The following COL27A1 variants were observed in gnomAD, a reference collection of about 807,000 sequenced individuals.
COL27A1 encodes the protein collagen alpha-1(XXVII) chain.
A neutral mutation model predicts 251.3 loss-of-function variants in COL27A1; 106 were observed. That is an observed-to-expected ratio of 0.42 (90% CI 0.36 to 0.50). The LOEUF (loss-of-function observed/expected upper bound fraction) is 0.50. COL27A1 is among the 20% of genes least tolerant of loss of function. COL27A1 has a pLI of 0.00. For missense variants in COL27A1, 2,325 were observed against 2,522.8 expected (o/e 0.92, Z 1.68); for synonymous variants, 1,000 against 986.3 (o/e 1.01, Z -0.26).
At chr9:114,227,571 C>T (rs1235389273) in intron 14 of COL27A1, among the ~76,000 whole-genome samples, 5 of 152,096 alleles carry the variant, frequency 3.3e-5, no homozygotes, top group African/African-American at 1.2e-4. Context: ...CCACCAGCAT[C>T]GTCCCTGGCA....
chr9:114,263,436 A>T (rs1834497277), intron 28 of COL27A1, among the ~76,000 whole-genome samples: 1 of 151,402 alleles, frequency 6.6e-6, no homozygotes, highest in African/African-American at 2.4e-5. Context: ...CCCAACACAG[A>T]CTGCTTGAGA....
chr9:114,254,127 G>GT (rs1473934997), intron 27 of COL27A1, among the ~76,000 whole-genome samples: 2 of 152,106 alleles, frequency 1.3e-5, no homozygotes, highest in Non-Finnish European at 2.9e-5. Context: ...GTATGGGGGG[G>GT]CAGGGTAGAT....
intron 7 of COL27A1, among the ~76,000 whole-genome samples, chr9:114,196,302 C>G (rs894678870): frequency 3.3e-5 from 5 of 152,220 alleles, no homozygotes; most frequent in Non-Finnish European, 7.3e-5. Flanking sequence ...CCCAGGGAGG[C>G]CACCTTCAAG....
chr9:114,159,040 G>C (rs1376620824), intron 1 of COL27A1, among the ~76,000 whole-genome samples: 3 of 152,194 alleles, frequency 2.0e-5, no homozygotes, highest in Non-Finnish European at 4.4e-5. Flanking sequence ...ACTCTGACAT[G>C]CTCTATACTT....
At chr9:114,216,221 G>A (rs977151293) in intron 12 of COL27A1, among the ~76,000 whole-genome samples, 10 of 152,222 alleles carry the variant, frequency 6.6e-5, no homozygotes, top group East Asian at 1.9e-4. Context: ...TTCTCCAGAG[G>A]GGCCCGACCT....
intron 41 of COL27A1, among the ~76,000 whole-genome samples, chr9:114,285,310 G>C (rs1160026678): frequency 6.6e-6 from 1 of 152,120 alleles, no homozygotes; most frequent in African/African-American, 2.4e-5. Context: ...GGAATTGCTG[G>C]AAGGATCCTC....
rs1467610372 is a variant in COL27A1 at position 114,206,279 on chromosome 9, G to A, written c.2251G>A (p.Gly751Ser). ...QGLPGPVGDP[G>S]PKGSRGYIGL... ...GTTACCTGGACCGGTAGGAGATCCC[G>A]GCCCCAAAGGCAGCAGGGTAAGTGG... The change falls in exon 10 of 61, where the codon GGC becomes AGC. Residue 751 changes from glycine (G) to serine (S), a missense_variant. Gly to Ser is a moderately conservative substitution (Grantham distance 56). Coordinates refer to ENST00000356083, the MANE Select transcript of COL27A1 (RefSeq NM_032888.4). The A allele has an allele frequency of 6.8e-6, 11 of 1,614,014 alleles. No homozygotes were observed. Among genetic ancestry groups the A allele is most frequent in the Middle Eastern group, 1.6e-4 (1 of 6,082 alleles).
Position 114,288,500 on chromosome 9 carries a change from C to T in COL27A1, c.4033C>T (p.Pro1345Ser), listed in dbSNP as rs1210209915. The T allele has an allele frequency of 6.2e-7, 1 of 1,606,886 alleles. No homozygotes were observed. The highest frequency in any genetic ancestry group is 8.5e-7 in the Non-Finnish European group (1 of 1,177,684). ...DGKAEGPPGP[P>S]GDRGPVGDRG... is the part of the protein sequence containing the mutation. ...CAAGGCTGAGGGGCCCCCTGGGCCA[C>T]CTGGAGATCGGGTAAGCCCCCTCCC... Residue 1345 changes from proline (P) to serine (S), a missense_variant, in exon 42 of 61, where the codon CCT (proline) becomes TCT (serine). Coordinates refer to ENST00000356083, the MANE Select transcript of COL27A1 (RefSeq NM_032888.4).
chr9:114,309,551 T>C, intron 60 of COL27A1, 73 bp downstream of exon 60: 1 of 1,143,714 alleles, frequency 8.7e-7, no homozygotes, highest in Non-Finnish European at 1.3e-6. Flanking sequence ...AAAAATGTGT[T>C]TCTATTATAA....
At position 114,205,170 on chromosome 9, in the gene COL27A1, G is replaced by A. The variant is rs1225919919; in HGVS notation, c.2169+24G>A. On this transcript the variant is annotated intron_variant, in intron 8 of 60. Transcript: ENST00000356083. The stretch of plus-strand genomic sequence containing the variant: ...AGGTGAGGGCCTCAGCCTCAGCCCT[G>A]CCCTGGTCGCTCTCCCTCCTCCCAG... The A allele has an allele frequency of 1.9e-6, 3 of 1,608,860 alleles. No homozygotes were observed. In the African/African-American group the frequency reaches 4.0e-5, roughly 22 times the overall value.
intron 33 of COL27A1, 64 bp from the exon 34 acceptor site, chr9:114,267,440 C>A (rs1253308943): frequency 4.9e-6 from 7 of 1,441,748 alleles, no homozygotes; most frequent in African/African-American, 1.5e-5. Flanking sequence ...GCCTCAGTTA[C>A]CCCCTTGCTT....
intron 7 of COL27A1, among the ~76,000 whole-genome samples, chr9:114,197,100 C>T (rs1829193645): frequency 6.6e-6 from 1 of 152,170 alleles, no homozygotes; most frequent in Admixed American, 6.5e-5. Context: ...GACTAAGGAT[C>T]GATTGCTTTT....
intron 14 of COL27A1, among the ~76,000 whole-genome samples, chr9:114,226,213 A>C (rs1376306308): frequency 6.6e-6 from 1 of 152,216 alleles, no homozygotes; most frequent in African/African-American, 2.4e-5. Context: ...CAAACCCAGC[A>C]TGTGAGGGGC....
chr9:114,287,688 G>A lies in COL27A1; in HGVS notation c.3988-767G>A, dbSNP rs116029938. Among the ~76,000 whole-genome samples, 974 of 152,180 alleles carry A rather than the reference G, an allele frequency of 6.4e-3. 10 individuals carry two copies. The highest frequency in any genetic ancestry group is 0.022 in the African/African-American group (916 of 41,512). On this transcript the variant is annotated intron_variant, in intron 41 of 60. Coordinates refer to ENST00000356083, the MANE Select transcript of COL27A1 (RefSeq NM_032888.4). ...CAGCACCGGGAGGCGCTCCAGTCCC[G>A]CTCTGCACATAGGAACCTGTCTTAT...
At chr9:114,187,655 T>C (rs1211530203) in intron 5 of COL27A1, among the ~76,000 whole-genome samples, 1 of 152,248 alleles carries the variant, frequency 6.6e-6, no homozygotes, top group African/African-American at 2.4e-5. Context: ...ATCCACTTTG[T>C]AGTGGCTGGG....
chr9:114,188,236 T>C (rs1828522795), intron 5 of COL27A1, among the ~76,000 whole-genome samples: 4 of 152,224 alleles, frequency 2.6e-5, no homozygotes, highest in African/African-American at 4.8e-5. Flanking sequence ...TATGCAGACA[T>C]TTCTAGAAAA....
intron 21 of COL27A1, among the ~76,000 whole-genome samples, chr9:114,241,646 T>C (rs1408967392): frequency 6.6e-6 from 1 of 152,190 alleles, no homozygotes; most frequent in African/African-American, 2.4e-5. Context: ...CTGCCACTTG[T>C]TCACATCTTC....
chr9:114,190,742 C>T (rs1157361702), intron 5 of COL27A1, among the ~76,000 whole-genome samples: 1 of 152,198 alleles, frequency 6.6e-6, no homozygotes, highest in African/African-American at 2.4e-5. Context: ...CTTCTAGTAC[C>T]ACCTGGCTCT....
At chr9:114,205,702 G>C in intron 8 of COL27A1, 57 bp from the exon 9 acceptor site, 1 of 1,513,420 alleles carries the variant, frequency 6.6e-7, no homozygotes, top group Non-Finnish European at 9.2e-7. Flanking sequence ...GGGTCCCCCA[G>C]ACCCAGAGCT....
Sources: allele counts gnomAD v4.1 joint callset (sites outside exome capture counted in the v4.1 genomes callset), GRCh38; gene constraint gnomAD v4.1.1; transcripts MANE v1.5; gene names NCBI Gene and HGNC (gene_info 2026-07-23, HGNC 2026-07-21).